The following SORCS3 variants were observed in gnomAD, a reference collection of about 807,000 sequenced individuals.
SORCS3 encodes sortilin related VPS10 domain containing receptor 3.
Under a neutral mutation model 146.3 loss-of-function variants are expected in SORCS3, and 57 were observed. That is an observed-to-expected ratio of 0.39 (90% confidence interval 0.31 to 0.49). The LOEUF is 0.49. Ranked by LOEUF, SORCS3 falls within the 20% of genes least tolerant of loss-of-function variation. The probability of loss-of-function intolerance (pLI) is 0.92; values close to 1 mark genes in which losing one functional copy is unlikely to be tolerated. For missense variants in SORCS3, 1,341 were observed against 1,575.5 expected (o/e 0.85, Z 2.52); for synonymous variants, 653 against 618.5 (o/e 1.06, Z -0.83).
intron 1 of SORCS3, among the ~76,000 whole-genome samples, chr10:104,696,226 A>G (rs189995566): frequency 0.033 from 788 of 23,592 alleles, 86 homozygotes; most frequent in Non-Finnish European, 0.049. Context: ...ACACATATAT[A>G]ATATATATCA....
In SORCS3 at chr10:104,696,479, G is replaced by GAATATAT. The variant is rs779178861; in HGVS notation, c.627+54541_627+54547dup. On this transcript the variant is annotated intron_variant, in intron 1 of 26. Coordinates refer to ENST00000369701, the MANE Select transcript of SORCS3 (RefSeq NM_014978.3). ...TAGAATATATAATATATAGAATATA[G>GAATATAT]AATATATAATATATAATATATATAA... 1.1e-3 allele frequency among the ~76,000 whole-genome samples: 8 copies of GAATATAT among 6,966 alleles called. 1 individual carries two copies. In the East Asian group the frequency reaches 0.02, roughly 17 times the overall value. The allele number at this position is 6,966 out of a possible 152,430, so 4.6% of individuals were successfully genotyped here. A position where few individuals can be genotyped will look rare whatever the true frequency, so the allele number is the denominator to read the frequency against.
In SORCS3 at chr10:104,842,718, C is replaced by A. The variant is rs965001285; in HGVS notation, c.628-74C>A. 13 of 1,176,276 alleles carry A rather than the reference C, an allele frequency of 1.1e-5. No individual in the cohort carries two copies. The African/African-American group carries it at 1.7e-4, about 15-fold the overall frequency. 72.9% of individuals were successfully genotyped at this position (1,176,276 alleles called of 1,614,324 possible). On this transcript the variant is annotated intron_variant, in intron 1 of 26. Coordinates refer to ENST00000369701, the MANE Select transcript of SORCS3 (RefSeq NM_014978.3). ...ATAGGAGATGCATTATATATTGTTA[C>A]ACAAACTAAAGTAAGCTTCCTTTTT...
chr10:104,644,067 C>T (rs945973871), intron 1 of SORCS3, among the ~76,000 whole-genome samples: 4 of 152,186 alleles, frequency 2.6e-5, no homozygotes, highest in African/African-American at 7.2e-5. Flanking sequence ...AGGTCTGGCC[C>T]GTGCTCCCTG....
In SORCS3 at chr10:105,139,495, T is replaced by C; in HGVS notation, c.1302+9T>C. 6.2e-7 allele frequency: 1 copy of C among 1,609,946 alleles called. No individual in the cohort carries two copies. On this transcript the variant is annotated intron_variant, in intron 8 of 26. Coordinates refer to ENST00000369701, the MANE Select transcript of SORCS3 (RefSeq NM_014978.3). ...AGTACTCGTTGCCAAAGGTACTGCA[T>C]GCACCACTAGCGGTCCTGGGTCCCT...
At chr10:105,020,653 AC>A (rs2133688368) in intron 4 of SORCS3, among the ~76,000 whole-genome samples, 1 of 152,324 alleles carries the variant, frequency 6.6e-6, no homozygotes, top group African/African-American at 2.4e-5. Flanking sequence ...TCTCCAAAAA[AC>A]TTATCACGGA....
At chr10:104,701,601 A>G (rs2016280107) in intron 1 of SORCS3, among the ~76,000 whole-genome samples, 1 of 152,194 alleles carries the variant, frequency 6.6e-6, no homozygotes, top group South Asian at 2.1e-4. Flanking sequence ...TTATTGTAGT[A>G]CTGCATTCAA....
intron 14 of SORCS3, among the ~76,000 whole-genome samples, chr10:105,184,241 G>A (rs963658531): frequency 1.2e-4 from 18 of 152,204 alleles, no homozygotes; most frequent in East Asian, 1.9e-4. Flanking sequence ...GGTGAAAGCA[G>A]CCATAGACAG....
intron 7 of SORCS3, among the ~76,000 whole-genome samples, chr10:105,138,360 G>C (rs912549022): frequency 6.6e-6 from 1 of 152,158 alleles, no homozygotes; most frequent in Non-Finnish European, 1.5e-5. Context: ...CAGTAGAGAA[G>C]TTACAGCTCT....
chr10:104,762,649 C>T (rs1402891945), intron 1 of SORCS3, among the ~76,000 whole-genome samples: 1 of 152,130 alleles, frequency 6.6e-6, no homozygotes, highest in Non-Finnish European at 1.5e-5. Context: ...ATTATGGGGG[C>T]AGTTTCCCCC....
chr10:105,257,189 A>G (rs2056936795), intron 25 of SORCS3, among the ~76,000 whole-genome samples: 1 of 152,208 alleles, frequency 6.6e-6, no homozygotes, highest in South Asian at 2.1e-4. Flanking sequence ...TATCTTCAAG[A>G]GAAGTGTAAG....
At chr10:104,696,570 TATA>T (rs2016206402) in intron 1 of SORCS3, among the ~76,000 whole-genome samples, 1 of 68,440 alleles carries the variant, frequency 1.5e-5, no homozygotes, top group East Asian at 4.0e-4. Flanking sequence ...AATATACGTA[TATA>T]ATATATAATA....
chr10:105,097,302 G>T (rs1220876314), intron 6 of SORCS3, among the ~76,000 whole-genome samples: 2 of 152,232 alleles, frequency 1.3e-5, no homozygotes, highest in South Asian at 2.1e-4. Context: ...ACAGGGCAAA[G>T]CCAACCAGTT....
intron 2 of SORCS3, among the ~76,000 whole-genome samples, chr10:104,902,914 T>C (rs1382505038): frequency 1.3e-5 from 2 of 152,192 alleles, no homozygotes; most frequent in Non-Finnish European, 2.9e-5. Flanking sequence ...ACTCCAAGCA[T>C]TCTCCTTTTT....
At chr10:105,237,748 A>G (rs191665037) in intron 20 of SORCS3, among the ~76,000 whole-genome samples, 1 of 152,336 alleles carries the variant, frequency 6.6e-6, no homozygotes, top group Non-Finnish European at 1.5e-5. Flanking sequence ...TTTTGAGCAT[A>G]TATTTCTGGT....
intron 5 of SORCS3, among the ~76,000 whole-genome samples, chr10:105,051,116 A>T (rs1287408767): frequency 6.6e-6 from 1 of 152,092 alleles, no homozygotes; most frequent in East Asian, 1.9e-4. Context: ...TGATGGCAGG[A>T]TTGCATTTTC....
At chr10:105,175,690 T>C (rs982310834) in intron 13 of SORCS3, among the ~76,000 whole-genome samples, 1 of 152,230 alleles carries the variant, frequency 6.6e-6, no homozygotes, top group Non-Finnish European at 1.5e-5. Flanking sequence ...TGCCCAACTT[T>C]CTTGGGGCTA....
intron 4 of SORCS3, among the ~76,000 whole-genome samples, chr10:105,020,935 C>G (rs2055194221): frequency 6.6e-6 from 1 of 152,148 alleles, no homozygotes; most frequent in South Asian, 2.1e-4. Context: ...TAATGTCTAA[C>G]TTTGTAGTAA....
chr10:104,957,908 A>G (rs749878262), intron 3 of SORCS3, among the ~76,000 whole-genome samples: 13 of 152,086 alleles, frequency 8.5e-5, no homozygotes, highest in African/African-American at 1.4e-4. Flanking sequence ...ACACCCTAAA[A>G]AACCCAAACG....
chr10:104,938,730 T>C (rs994908901), intron 3 of SORCS3, among the ~76,000 whole-genome samples: 3 of 152,246 alleles, frequency 2.0e-5, no homozygotes, highest in African/African-American at 7.2e-5. Flanking sequence ...AGTTCTGTTA[T>C]GGCAGGCACT....
Sources: gnomAD v4.1 joint callset for allele counts (sites outside exome capture counted in the v4.1 genomes callset) on GRCh38, gnomAD v4.1.1 for gene constraint, MANE v1.5 for transcripts, NCBI Gene and HGNC (gene_info 2026-07-23, HGNC 2026-07-21) for gene names.